CUX1: variants seen among roughly 807,000 people sequenced by gnomAD.
CUX1 encodes cut like homeobox 1.
Under a neutral mutation model 158.8 loss-of-function variants are expected in CUX1, and 31 were observed. The observed-to-expected ratio is 0.20, with a 90% CI of 0.15 to 0.26. CUX1 has a LOEUF of 0.26. Among genes scored for constraint, CUX1 ranks in the 10% least tolerant of loss-of-function variants. The pLI is 1.00. For missense variants in CUX1, 1,589 were observed against 2,014.6 expected (o/e 0.79, Z 4.04); for synonymous variants, 879 against 862.1 (o/e 1.02, Z -0.34).
At chr7:101,915,830 T>C (rs1400385573) in intron 1 of CUX1, among the ~76,000 whole-genome samples, 1 of 152,150 alleles carries the variant, frequency 6.6e-6, no homozygotes, top group Non-Finnish European at 1.5e-5. Context: ...GTGTATTCTG[T>C]TATGGGAACA....
At chr7:102,042,841 G>A (rs111833161) in intron 3 of CUX1, among the ~76,000 whole-genome samples, 2 of 152,268 alleles carry the variant, frequency 1.3e-5, no homozygotes, top group African/African-American at 4.8e-5. Flanking sequence ...CCAGGCTGGA[G>A]TGCAGTGGCA....
chr7:101,927,479 G>T (rs140410473), intron 2 of CUX1, among the ~76,000 whole-genome samples: 2 of 152,014 alleles, frequency 1.3e-5, no homozygotes, highest in Non-Finnish European at 2.9e-5. Context: ...GCAACATAGC[G>T]AGACCCCATC....
At chr7:102,109,187 A>G (rs1585715681) in intron 6 of CUX1, among the ~76,000 whole-genome samples, 1 of 152,204 alleles carries the variant, frequency 6.6e-6, no homozygotes, top group Non-Finnish European at 1.5e-5. Flanking sequence ...ACAAATAATA[A>G]CATTTTAAAA....
At chr7:102,018,622 A>ATGTT (rs1818960092) in intron 2 of CUX1, among the ~76,000 whole-genome samples, 1 of 152,220 alleles carries the variant, frequency 6.6e-6, no homozygotes, top group Non-Finnish European at 1.5e-5. Context: ...AGAGTGGACA[A>ATGTT]ACAGCCTTTC....
intron 10 of CUX1, among the ~76,000 whole-genome samples, chr7:102,170,908 C>T (rs1444049078): frequency 7.2e-6 from 1 of 138,114 alleles, no homozygotes; most frequent in African/African-American, 2.7e-5. Context: ...CAGAATGACA[C>T]GGAGAAATTG....
chr7:102,189,514 G>C (rs1181343393), intron 11 of CUX1, among the ~76,000 whole-genome samples: 1 of 151,796 alleles, frequency 6.6e-6, no homozygotes, highest in Non-Finnish European at 1.5e-5. Context: ...TCCCACCTCA[G>C]CCTCCCAAAG....
chr7:102,045,431 T>A (rs1822639932), intron 3 of CUX1, among the ~76,000 whole-genome samples: 1 of 152,264 alleles, frequency 6.6e-6, no homozygotes. Context: ...CGGGTGCCAC[T>A]GCGCCCGCGC....
intron 8 of CUX1, among the ~76,000 whole-genome samples, chr7:102,120,244 A>G (rs979628112): frequency 6.6e-6 from 1 of 152,188 alleles, no homozygotes; most frequent in African/African-American, 2.4e-5. Flanking sequence ...TTTTTGCTGA[A>G]GTCCACGATC....
intron 2 of CUX1, among the ~76,000 whole-genome samples, chr7:101,959,864 T>C (rs1314755620): frequency 6.6e-6 from 1 of 152,210 alleles, no homozygotes; most frequent in Admixed American, 6.5e-5. Flanking sequence ...TAAACATAGT[T>C]ACATGTTTGA....
chr7:102,216,825 CCACACA>C (rs57908920), intron 20 of CUX1, among the ~76,000 whole-genome samples: 4 of 140,948 alleles, frequency 2.8e-5, no homozygotes, highest in Admixed American at 7.2e-5. Context: ...CACTCTCCCA[CCACACA>C]CACACACACA....
chr7:102,043,102 C>T (rs1372047841), intron 3 of CUX1, among the ~76,000 whole-genome samples: 5 of 152,144 alleles, frequency 3.3e-5, no homozygotes, highest in Non-Finnish European at 1.5e-5. Context: ...GGACGTGTGC[C>T]ACCACGCCTG....
chr7:102,166,773 T>C (rs1791088423), intron 9 of CUX1, among the ~76,000 whole-genome samples: 1 of 152,182 alleles, frequency 6.6e-6, no homozygotes, highest in Non-Finnish European at 1.5e-5. Flanking sequence ...ACCTCAACGC[T>C]TCATTTTGTG....
Position 102,239,528 on chromosome 7 carries a change from C to G in CUX1, c.3831C>G (p.Leu1277=), listed in dbSNP as rs1367088275. ...PYPSPKTIED[L]ATQLNLKTST... ...CGTCACCAAAAACCATCGAAGACCT[C>G]GCCACCCAGCTCAACCTGAAAACCA... is the stretch of plus-strand genomic sequence containing the variant. The change falls in exon 23 of 24, where the codon CTC becomes CTG. Residue 1277 remains leucine (L), a synonymous_variant. Coordinates refer to ENST00000292535, the MANE Select transcript of CUX1 (RefSeq NM_181552.4). The G allele has an allele frequency of 1.2e-6, 2 of 1,614,132 alleles. No homozygotes were observed. The highest frequency in any genetic ancestry group is 1.7e-6 in the Non-Finnish European group (2 of 1,179,968).
In CUX1 at chr7:102,170,876, A is replaced by G. The variant is rs1446556714; in HGVS notation, c.828+326A>G. On this transcript the variant is annotated intron_variant, in intron 10 of 23. Coordinates refer to ENST00000292535, the MANE Select transcript of CUX1 (RefSeq NM_181552.4). The stretch of plus-strand genomic sequence containing the variant: ...GGTGTGATCGCTGGCATGCGGGTGC[A>G]GACCCGAACCAGGAGCCTCTCCAGA... Among the ~76,000 whole-genome samples the G allele has an allele frequency of 2.0e-5, 3 of 151,822 alleles. No individual in the cohort carries two copies. In the East Asian group the frequency reaches 5.9e-4, roughly 30 times the overall value.
At chr7:101,830,212 C>T (rs1310703941) in intron 1 of CUX1, among the ~76,000 whole-genome samples, 1 of 152,336 alleles carries the variant, frequency 6.6e-6, no homozygotes, top group East Asian at 1.9e-4. Flanking sequence ...AGTGATACCG[C>T]ACTCAAATCC....
intron 2 of CUX1, among the ~76,000 whole-genome samples, chr7:102,003,748 A>G (rs1346893472): frequency 6.6e-6 from 1 of 152,206 alleles, no homozygotes; most frequent in Admixed American, 6.5e-5. Flanking sequence ...GGCAGCCAAG[A>G]TGTCACTTAC....
chr7:102,278,161 G>A (rs1288112859), intron 18 of CUX1: 33 of 843,692 alleles, frequency 3.9e-5, no homozygotes, highest in South Asian at 2.3e-4. Flanking sequence ...ACCAAGACCT[G>A]CTGGGCAGCA....
chr7:101,948,960 A>C (rs1808718522), intron 2 of CUX1, among the ~76,000 whole-genome samples: 1 of 152,214 alleles, frequency 6.6e-6, no homozygotes, highest in South Asian at 2.1e-4. Flanking sequence ...AGATAAGCAC[A>C]GAAGTTCAGA....
chr7:102,272,721 T>C (rs1791305754), intron 14 of CUX1, among the ~76,000 whole-genome samples: 1 of 152,136 alleles, frequency 6.6e-6, no homozygotes, highest in Non-Finnish European at 1.5e-5. Context: ...TTGGATGCTT[T>C]GTTATAAAGA....
Sources: allele counts gnomAD v4.1 joint callset (sites outside exome capture counted in the v4.1 genomes callset), GRCh38; gene constraint gnomAD v4.1.1; transcripts MANE v1.5; gene names NCBI Gene and HGNC (gene_info 2026-07-23, HGNC 2026-07-21).